Variants in TSHZ3 observed in about 807,000 individuals in gnomAD.
The protein encoded by TSHZ3 is teashirt zinc finger homeobox 3.
In TSHZ3, 10 loss-of-function variants were observed where a neutral mutation model predicts 64.5. The ratio of observed to expected loss-of-function variants is 0.16; its 90% CI spans 0.10 to 0.26. The LOEUF (loss-of-function observed/expected upper bound fraction) is 0.26, where lower values mean the gene tolerates loss of function less well. Ranked by LOEUF, TSHZ3 falls within the 10% of genes least tolerant of loss-of-function variation. TSHZ3 has a pLI of 1.00. For synonymous variants in TSHZ3, 608 were observed against 593.1 expected (o/e 1.03, Z -0.36); for missense variants, 1,242 against 1,421.7 (o/e 0.87, Z 2.03).
At chr19:31,287,552 A>G (rs1976483687) in intron 1 of TSHZ3, among the ~76,000 whole-genome samples, 1 of 151,898 alleles carries the variant, frequency 6.6e-6, no homozygotes, top group South Asian at 2.1e-4. Context: ...AAGGGGTCAG[A>G]GAGAGAGGAG....
chr19:31,252,276 G>T (rs933804981), intron 1 of TSHZ3, among the ~76,000 whole-genome samples: 2 of 152,108 alleles, frequency 1.3e-5, no homozygotes, highest in African/African-American at 4.8e-5. Flanking sequence ...GGTTGTGGCT[G>T]CATCCCTGTA....
At chr19:31,208,059 A>C (rs533353215) in intron 4 of TSHZ3, among the ~76,000 whole-genome samples, 52 of 152,220 alleles carry the variant, frequency 3.4e-4, no homozygotes, top group Non-Finnish European at 6.8e-4. Context: ...CTTAGCACCA[A>C]GCACAGAGCC....
intron 5 of TSHZ3, among the ~76,000 whole-genome samples, chr19:31,192,998 G>A (rs1222617732): frequency 1.3e-5 from 2 of 152,134 alleles, no homozygotes; most frequent in African/African-American, 2.4e-5. Flanking sequence ...TGATGCAATA[G>A]GTACCTACAG....
intron 5 of TSHZ3, among the ~76,000 whole-genome samples, chr19:31,191,694 A>G (rs1468190275): frequency 1.3e-5 from 2 of 152,058 alleles, no homozygotes; most frequent in South Asian, 2.1e-4. Flanking sequence ...CCATCCCTAG[A>G]AAAAGTTAAA....
intron 1 of TSHZ3, among the ~76,000 whole-genome samples, chr19:31,316,768 G>GGA (rs1354088396): frequency 2.0e-5 from 3 of 151,850 alleles, no homozygotes; most frequent in Admixed American, 6.6e-5. Flanking sequence ...GAAAGAATGG[G>GGA]GAGAGAGAGA....
At chr19:31,310,913 C>T (rs1325903391) in intron 1 of TSHZ3, among the ~76,000 whole-genome samples, 2 of 152,210 alleles carry the variant, frequency 1.3e-5, no homozygotes, top group African/African-American at 2.4e-5. Context: ...AAGGAAGATT[C>T]CTGCAGTGAC....
intron 1 of TSHZ3, among the ~76,000 whole-genome samples, chr19:31,338,182 T>C (rs1917311683): frequency 6.6e-6 from 1 of 152,186 alleles, no homozygotes; most frequent in African/African-American, 2.4e-5. Context: ...AGGCCAGAGC[T>C]TCACCGACTC....
At chr19:31,261,934 T>C (rs1411756734) in intron 1 of TSHZ3, among the ~76,000 whole-genome samples, 2 of 152,168 alleles carry the variant, frequency 1.3e-5, no homozygotes, top group African/African-American at 2.4e-5. Context: ...ACCCCAATGA[T>C]TCTCCTATGG....
At chr19:31,199,535 AAAAAT>A (rs926706529) in intron 5 of TSHZ3, among the ~76,000 whole-genome samples, 1 of 151,396 alleles carries the variant, frequency 6.6e-6, no homozygotes, top group Non-Finnish European at 1.5e-5. Context: ...CACATGACCA[AAAAAT>A]AAAATAAAAT....
intron 1 of TSHZ3, among the ~76,000 whole-genome samples, chr19:31,339,125 A>G (rs1917348074): frequency 6.6e-6 from 1 of 152,004 alleles, no homozygotes; most frequent in Non-Finnish European, 1.5e-5. Context: ...AGGAGCCCTG[A>G]GATTCATTTC....
At chr19:31,314,294 TGTTTC>T (rs1210362524) in intron 1 of TSHZ3, among the ~76,000 whole-genome samples, 1 of 152,058 alleles carries the variant, frequency 6.6e-6, no homozygotes, top group East Asian at 1.9e-4. Flanking sequence ...CAGGCAAGGG[TGTTTC>T]CAGAGCCATG....
intron 1 of TSHZ3, among the ~76,000 whole-genome samples, chr19:31,269,899 G>C (rs895738199): frequency 6.6e-6 from 1 of 152,214 alleles, no homozygotes; most frequent in South Asian, 2.1e-4. Context: ...GGGAGTCCCA[G>C]TACCCCCGCA....
At chr19:31,216,159 A>G (rs1425386666) in intron 4 of TSHZ3, among the ~76,000 whole-genome samples, 4 of 152,124 alleles carry the variant, frequency 2.6e-5, no homozygotes, top group Admixed American at 2.6e-4. Flanking sequence ...ATAATTCTTT[A>G]TGATGGTGTT....
intron 1 of TSHZ3, chr19:31,305,604 T>A (rs1568375547): frequency 6.6e-6 from 1 of 152,160 alleles, no homozygotes; most frequent in South Asian, 2.1e-4. Flanking sequence ...AAAGAACCCC[T>A]TATGGAGTTT....
chr19:31,237,151 A>G (rs1336369181), intron 3 of TSHZ3, among the ~76,000 whole-genome samples: 2 of 152,184 alleles, frequency 1.3e-5, no homozygotes, highest in Admixed American at 6.5e-5. Flanking sequence ...CCGTCTAAGA[A>G]AAAACAAACA....
At chr19:31,198,050 C>G (rs1357882308) in intron 5 of TSHZ3, among the ~76,000 whole-genome samples, 1 of 152,144 alleles carries the variant, frequency 6.6e-6, no homozygotes, top group African/African-American at 2.4e-5. Context: ...AAATCCTCAG[C>G]AAATTATTAA....
chr19:31,192,143 A>G (rs2145138859), intron 5 of TSHZ3, among the ~76,000 whole-genome samples: 1 of 152,326 alleles, frequency 6.6e-6, no homozygotes, highest in Middle Eastern at 3.4e-3. Flanking sequence ...TAATAACCCA[A>G]AGAAGCATGG....
intron 1 of TSHZ3, among the ~76,000 whole-genome samples, chr19:31,252,717 C>G (rs1975858277): frequency 6.6e-6 from 1 of 152,210 alleles, no homozygotes; most frequent in Non-Finnish European, 1.5e-5. Context: ...CCATGCGGAA[C>G]TGAGTCCATT....
chr19:31,246,625 A>G (rs1975760665), intron 1 of TSHZ3, among the ~76,000 whole-genome samples: 1 of 152,104 alleles, frequency 6.6e-6, no homozygotes, highest in South Asian at 2.1e-4. Flanking sequence ...AGGAAGGGAG[A>G]GAGAGTGAGG....
Sources: allele counts gnomAD v4.1 joint callset (sites outside exome capture counted in the v4.1 genomes callset), GRCh38; gene constraint gnomAD v4.1.1; transcripts MANE v1.5; gene names NCBI Gene and HGNC (gene_info 2026-07-23, HGNC 2026-07-21).